CEBPZ: variants seen among roughly 807,000 people sequenced by gnomAD.
The protein encoded by CEBPZ is CCAAT/enhancer-binding protein zeta.
CEBPZ carries 78 observed loss-of-function variants against 104.5 expected under a neutral mutation model. That is an observed-to-expected ratio of 0.75 (90% CI 0.62 to 0.90). The LOEUF is 0.90. Ranked by LOEUF, CEBPZ falls within the 40% of genes least tolerant of loss-of-function variation. CEBPZ has a pLI of 0.00. For missense variants in CEBPZ, 1,439 were observed against 1,233.5 expected (o/e 1.17, Z -2.50); for synonymous variants, 470 against 427.0 (o/e 1.10, Z -1.24).
chr2:37,214,387 A>G (rs753550111), intron 9 of CEBPZ, among the ~76,000 whole-genome samples: 29 of 152,288 alleles, frequency 1.9e-4, no homozygotes, highest in Non-Finnish European at 3.5e-4. Context: ...ACTTATTTCT[A>G]TAACAGTGCA....
Position 37,227,591 on chromosome 2 carries a change from C to T in CEBPZ, c.1602G>A (p.Met534Ile). 6.2e-7 allele frequency: 1 copy of T among 1,613,694 alleles called. No homozygotes were observed. Among genetic ancestry groups the T allele is most frequent in the Non-Finnish European group, 8.5e-7 (1 of 1,179,852 alleles). The change falls in exon 2 of 16, where the codon ATG becomes ATA. Residue 534 changes from methionine (M) to isoleucine (I), a missense_variant. By Grantham distance (10) the Met-to-Ile change is conservative. Coordinates refer to ENST00000234170, the MANE Select transcript of CEBPZ (RefSeq NM_005760.3). The part of the protein sequence containing the change: ...VQALMLLFQV[M>I]NSQQTISDRY... The stretch of plus-strand genomic sequence containing the variant: ...GATCCGATATTGTCTGCTGAGAATT[C>T]ATTACTTGGAAAAGCAACATTAAAG...
intron 5 of CEBPZ, among the ~76,000 whole-genome samples, chr2:37,218,958 T>C (rs966644650): frequency 2.6e-5 from 4 of 152,230 alleles, no homozygotes; most frequent in African/African-American, 9.6e-5. Flanking sequence ...CGTTATACTT[T>C]ACCACAACAA....
intron 4 of CEBPZ, among the ~76,000 whole-genome samples, chr2:37,222,178 G>A (rs1664784895): frequency 1.3e-5 from 2 of 152,210 alleles, no homozygotes; most frequent in African/African-American, 4.8e-5. Flanking sequence ...CAGCTACTTG[G>A]GAGGTTGAGG....
chr2:37,213,039 T>A (rs1028542170), intron 10 of CEBPZ, among the ~76,000 whole-genome samples: 2 of 152,000 alleles, frequency 1.3e-5, no homozygotes, highest in African/African-American at 4.8e-5. Flanking sequence ...AGAGAGAGCC[T>A]GTCTCAAAAC....
intron 5 of CEBPZ, among the ~76,000 whole-genome samples, chr2:37,219,028 G>A (rs1664702946): frequency 6.6e-6 from 1 of 152,210 alleles, no homozygotes; most frequent in Non-Finnish European, 1.5e-5. Context: ...AAACTGTCAA[G>A]CTCAAGGTGG....
intron 12 of CEBPZ, chr2:37,211,394 A>G: frequency 4.0e-6 from 1 of 251,292 alleles, no homozygotes; most frequent in East Asian, 8.0e-5. Context: ...AATGTTGGGC[A>G]GGCATGTGCA....
At chr2:37,210,891 C>G (rs531007625) in intron 13 of CEBPZ, 108 bp downstream of exon 13, 11 of 575,914 alleles carry the variant, frequency 1.9e-5, no homozygotes, top group South Asian at 7.8e-5. Flanking sequence ...GAACCCCCCC[C>G]ACCCCTGAAT....
At position 37,223,155 on chromosome 2, in the gene CEBPZ, A is replaced by C. The variant is rs762622392; in HGVS notation, c.1881+15T>G. ...TCAGCACCCACTCAATTTAAAAAGC[A>C]GTTGTAAAATATACCGGATGATCAT... On this transcript the variant is annotated intron_variant, in intron 3 of 15. Coordinates refer to ENST00000234170, the MANE Select transcript of CEBPZ (RefSeq NM_005760.3). 3 of 1,588,256 alleles carry C rather than the reference A, an allele frequency of 1.9e-6. No individual in the cohort carries two copies. The South Asian group carries it at 3.4e-5, about 18-fold the overall frequency.
rs749953724 is a variant in CEBPZ at position 37,227,949 on chromosome 2, T to C, written c.1244A>G (p.Asn415Ser). 17 of 1,614,092 alleles carry C rather than the reference T, an allele frequency of 1.1e-5. No individual in the cohort carries two copies. The highest frequency in any genetic ancestry group is 5.3e-5 in the African/African-American group (4 of 74,944). Reference protein sequence around the residue: ...LLETLLCKHPNMKGVVSGEVE... With the variant: ...LLETLLCKHPSMKGVVSGEVE... ...TTCACCAGACACAACTCCTTTCATA[T>C]TGGGATGTTTACAAAGTAATGTCTC... is the stretch of plus-strand genomic sequence containing the variant. Residue 415 changes from asparagine to serine, a missense_variant, in exon 2 of 16, where the codon AAT becomes AGT. Physicochemically the swap from Asn to Ser is conservative, Grantham distance 46 (BLOSUM62 1). Transcript: ENST00000234170.
intron 1 of CEBPZ, among the ~76,000 whole-genome samples, chr2:37,229,625 C>T (rs1289839484): frequency 6.6e-6 from 1 of 152,188 alleles, no homozygotes; most frequent in Non-Finnish European, 1.5e-5. Flanking sequence ...CTGACACAAC[C>T]TCCATGGAGG....
intron 5 of CEBPZ, among the ~76,000 whole-genome samples, chr2:37,219,664 A>G (rs1022872716): frequency 6.6e-6 from 1 of 152,232 alleles, no homozygotes; most frequent in Admixed American, 6.5e-5. Flanking sequence ...GCTGCATAAG[A>G]TACTTACTGG....
chr2:37,231,387 G>T (rs749118714), intron 1 of CEBPZ, 25 bp downstream of exon 1: 1 of 1,613,274 alleles, frequency 6.2e-7, no homozygotes, highest in Admixed American at 1.7e-5. Context: ...GCCTGATCCC[G>T]TTCCCCGGAG....
In CEBPZ at chr2:37,231,536, T is replaced by G. The variant is rs764337884; in HGVS notation, c.32A>C (p.His11Pro). 5.0e-6 allele frequency: 8 copies of G among 1,614,256 alleles called. No individual in the cohort carries two copies. Among genetic ancestry groups the G allele is most frequent in the Non-Finnish European group, 6.8e-6 (8 of 1,180,040 alleles). Residue 11 changes from histidine to proline, a missense_variant, in exon 1 of 16, where the codon CAT (histidine) becomes CCT (proline). Coordinates refer to ENST00000234170, the MANE Select transcript of CEBPZ (RefSeq NM_005760.3). MAAVKEPLEFHAKRPWRPEEA... is the reference protein window; with the variant it reads MAAVKEPLEFPAKRPWRPEEA... ...CTCGGGGCGCCAAGGCCGCTTGGCA[T>G]GGAACTCCAAAGGCTCCTTGACTGC...
intron 2 of CEBPZ, among the ~76,000 whole-genome samples, chr2:37,227,312 G>A (rs1438653951): frequency 6.6e-6 from 1 of 152,124 alleles, no homozygotes; most frequent in Non-Finnish European, 1.5e-5. Context: ...GTATTTTTCT[G>A]TATTTTACAA....
In CEBPZ at chr2:37,214,202, T is replaced by C. The variant is rs540562464; in HGVS notation, c.2448-241A>G. ...TAATATTTTATCAGCCCTATTCTTA[T>C]ATTAGAATACAGCAAAACTTAGCCA... On this transcript the variant is annotated intron_variant, in intron 9 of 15. Coordinates refer to ENST00000234170, the MANE Select transcript of CEBPZ (RefSeq NM_005760.3). Among the ~76,000 whole-genome samples the C allele has an allele frequency of 2.6e-5, 4 of 152,332 alleles. No homozygotes were observed. The East Asian group carries it at 7.7e-4, about 29-fold the overall frequency.
At position 37,231,567 on chromosome 2, in the gene CEBPZ, T is replaced by TA. The variant is rs768371434; in HGVS notation, c.-1_1insT. 6.2e-7 allele frequency: 1 copy of TA among 1,614,238 alleles called. No individual in the cohort carries two copies. The highest frequency in any genetic ancestry group is 8.5e-7 in the Non-Finnish European group (1 of 1,180,044). ...TCCAAAGGCTCCTTGACTGCGGCCA[T>TA]GGCGGGCAAAGCATACGCGCGTGAA... On this transcript the variant is annotated 5_prime_UTR_variant, in exon 1 of 16. Transcript: ENST00000234170.
chr2:37,211,877 C>T lies in CEBPZ; in HGVS notation c.2766G>A (p.Met922Ile), dbSNP rs991116251. The T allele has an allele frequency of 3.7e-6, 6 of 1,609,492 alleles. No individual in the cohort carries two copies. Among genetic ancestry groups the T allele is most frequent in the Non-Finnish European group, 5.1e-6 (6 of 1,178,524 alleles). ...AEVDEDGGTF[M>I]DVLDDESESV... Reference sequence around the variant, plus strand: ...TCTCACTTTCATCATCTAACACATCCATGAATGTTCCTCCATCTTCATCAA... The same window carrying T: ...TCTCACTTTCATCATCTAACACATCTATGAATGTTCCTCCATCTTCATCAA... The change falls in exon 12 of 16, where the codon ATG becomes ATA. Residue 922 changes from methionine to isoleucine, a missense_variant. Transcript: ENST00000234170.
In CEBPZ at chr2:37,228,491, C is replaced by T; in HGVS notation, c.702G>A (p.Trp234Ter). ...TNSQKGASST[W>*]MKAIVSSGTL... The stretch of plus-strand genomic sequence containing the variant: ...TCCCCGATGACACAATTGCCTTCAT[C>T]CAGGTAGAAGAGGCTCCCTTTTGAC... Residue 234 changes from tryptophan (W) to a stop codon, truncating the protein, a stop_gained, in exon 2 of 16, where the codon TGG (tryptophan) becomes TGA (stop). Transcript: ENST00000234170. LOFTEE classifies it high-confidence loss of function. The T allele has an allele frequency of 6.2e-7, 1 of 1,614,214 alleles. No homozygotes were observed. Among genetic ancestry groups the T allele is most frequent in the Non-Finnish European group, 8.5e-7 (1 of 1,180,042 alleles).
intron 2 of CEBPZ, among the ~76,000 whole-genome samples, chr2:37,226,674 C>G (rs1478553136): frequency 2.0e-5 from 3 of 152,142 alleles, no homozygotes; most frequent in Admixed American, 2.0e-4. Context: ...GACTCAAACC[C>G]AGGCGGCGTG....
Sources: gnomAD v4.1 joint callset for allele counts (sites outside exome capture counted in the v4.1 genomes callset) on GRCh38, gnomAD v4.1.1 for gene constraint, MANE v1.5 for transcripts, NCBI Gene and HGNC (gene_info 2026-07-23, HGNC 2026-07-21) for gene names.